Variants in IQCE observed in about 807,000 individuals in gnomAD.
IQCE encodes IQ motif containing E.
IQCE carries 115 observed loss-of-function variants against 96.0 expected under a neutral mutation model. The ratio of observed to expected loss-of-function variants is 1.20; its 90% CI spans 1.03 to 1.40. The LOEUF is 1.40. Ranked by LOEUF, IQCE falls within the 40% of genes most tolerant of loss-of-function variation. IQCE has a pLI of 0.00. For synonymous variants in IQCE, 412 were observed against 371.2 expected (o/e 1.11, Z -1.26); for missense variants, 1,041 against 909.1 (o/e 1.15, Z -1.87).
At chr7:2,590,869 A>G (rs980858479) in intron 14 of IQCE, among the ~76,000 whole-genome samples, 5 of 152,200 alleles carry the variant, frequency 3.3e-5, no homozygotes, top group Non-Finnish European at 5.9e-5. Context: ...TCATTGGTTT[A>G]TGTAAAATCA....
chr7:2,585,887 C>G (rs550088648), intron 11 of IQCE, among the ~76,000 whole-genome samples: 61 of 152,302 alleles, frequency 4.0e-4, no homozygotes, highest in Middle Eastern at 3.4e-3. Flanking sequence ...CCGAGCTATC[C>G]TGCAAGCACC....
chr7:2,576,870 C>T (rs1322754206), intron 6 of IQCE, among the ~76,000 whole-genome samples: 1 of 152,216 alleles, frequency 6.6e-6, no homozygotes. Flanking sequence ...GCGAACAAAA[C>T]GGACTTTCTT....
At chr7:2,561,735 T>G (rs927067957) in intron 1 of IQCE, among the ~76,000 whole-genome samples, 18 of 152,370 alleles carry the variant, frequency 1.2e-4, no homozygotes, top group African/African-American at 3.8e-4. Flanking sequence ...AATAATATTT[T>G]TATATGAATC....
Position 2,614,468 on chromosome 7 carries a change from C to T in IQCE, c.*4306C>T, listed in dbSNP as rs1785219972. On this transcript the variant is annotated 3_prime_UTR_variant, in exon 22 of 22. Transcript: ENST00000402050. ...GCAGTGCCTACGCTGTGCCAACTAC[C>T]CTGTCTGGTACAGACCACGGCTGGG... The T allele has an allele frequency of 6.6e-6, 1 of 152,238 alleles. No individual in the cohort carries two copies. Among genetic ancestry groups the T allele is most frequent in the African/African-American group, 2.4e-5 (1 of 41,456 alleles). 9.4% of individuals were successfully genotyped at this position (152,238 alleles called of 1,614,324 possible).
At chr7:2,565,645 G>C (rs1202066849) in intron 1 of IQCE, among the ~76,000 whole-genome samples, 1 of 152,108 alleles carries the variant, frequency 6.6e-6, no homozygotes, top group African/African-American at 2.4e-5. Flanking sequence ...TGGCTTTTCT[G>C]ATCCCCCGCT....
At chr7:2,602,899 C>A (rs559812924) in intron 18 of IQCE, among the ~76,000 whole-genome samples, 56 of 152,204 alleles carry the variant, frequency 3.7e-4, no homozygotes, top group Non-Finnish European at 7.4e-4. Context: ...GATGGCCAGG[C>A]CACAGCCACA....
intron 1 of IQCE, among the ~76,000 whole-genome samples, chr7:2,560,697 C>G (rs1780883176): frequency 6.6e-6 from 1 of 151,968 alleles, no homozygotes; most frequent in Non-Finnish European, 1.5e-5. Context: ...GCGGCTCATG[C>G]CTGTAATCCC....
chr7:2,579,251 G>A lies in IQCE; in HGVS notation c.630+725G>A, dbSNP rs150685541. 9.2e-5 allele frequency among the ~76,000 whole-genome samples: 14 copies of A among 152,284 alleles called. 1 individual carries two copies. The East Asian group carries it at 2.7e-3, about 29-fold the overall frequency. On this transcript the variant is annotated intron_variant, in intron 8 of 21. Transcript: ENST00000402050. The stretch of plus-strand genomic sequence containing the variant: ...AGTACACCTCCTAGCAGTCAAGGAA[G>A]TACTTCTCTAAAGTGGGACATGGTG...
chr7:2,573,609 C>T (rs565188030), intron 6 of IQCE, 121 bp downstream of exon 6: 14 of 577,070 alleles, frequency 2.4e-5, no homozygotes, highest in Middle Eastern at 2.7e-4. Context: ...GCGTTAGGGT[C>T]GAACCTGAGT....
intron 13 of IQCE, among the ~76,000 whole-genome samples, chr7:2,588,801 G>T (rs1345613256): frequency 1.3e-5 from 2 of 151,262 alleles, no homozygotes; most frequent in Non-Finnish European, 2.9e-5. Context: ...CAGTAGCTGG[G>T]ATTACAGGTG....
At chr7:2,572,067 G>A (rs1385434669) in intron 4 of IQCE, 125 bp from the exon 5 acceptor site, 20 of 1,016,848 alleles carry the variant, frequency 2.0e-5, no homozygotes, top group East Asian at 4.8e-5. Context: ...TTACCAGCAC[G>A]ACACTGACGG....
At chr7:2,602,933 G>C (rs909474636) in intron 18 of IQCE, among the ~76,000 whole-genome samples, 5 of 152,228 alleles carry the variant, frequency 3.3e-5, no homozygotes, top group Non-Finnish European at 5.9e-5. Flanking sequence ...CGAGCAGACA[G>C]CTGGACTGCC....
chr7:2,577,817 C>G (rs1358346910), intron 6 of IQCE, among the ~76,000 whole-genome samples: 1 of 133,076 alleles, frequency 7.5e-6, no homozygotes, highest in Non-Finnish European at 1.6e-5. Flanking sequence ...GCTGTGCGCG[C>G]GGGGACGTGT....
chr7:2,559,096 T>A lies in IQCE; in HGVS notation c.-86T>A. ...CCGGCGCCAGGGAAGGCCCCGAGGC[T>A]GCGGGCGGCCAGGGCTGCCCGCGGA... On this transcript the variant is annotated 5_prime_UTR_variant, in exon 1 of 22. Transcript: ENST00000402050. The A allele has an allele frequency of 4.1e-6, 3 of 725,966 alleles. No individual in the cohort carries two copies. Among genetic ancestry groups the A allele is most frequent in the Non-Finnish European group, 3.6e-6 (2 of 550,692 alleles). 45.0% of individuals were successfully genotyped at this position (725,966 alleles called of 1,614,324 possible).
At chr7:2,608,350 C>A (rs1347875502) in intron 21 of IQCE, among the ~76,000 whole-genome samples, 1 of 152,216 alleles carries the variant, frequency 6.6e-6, no homozygotes, top group Admixed American at 6.5e-5. Context: ...CAGGGGGTCC[C>A]GCTAGGGGCT....
In IQCE at chr7:2,597,928, A is replaced by C. The variant is rs369230870; in HGVS notation, c.1441-537A>C. ...AGGGATCCTCCCTGCTTGGCCCCCCACATTGTTGGGATTACAAGCATGAGC... is the reference window on the plus strand; with the variant it reads ...AGGGATCCTCCCTGCTTGGCCCCCCCCATTGTTGGGATTACAAGCATGAGC... On this transcript the variant is annotated intron_variant, in intron 16 of 21. Transcript: ENST00000402050. Among the ~76,000 whole-genome samples, 85 of 152,224 alleles carry C rather than the reference A, an allele frequency of 5.6e-4. No homozygotes were observed. The South Asian group carries it at 0.017, about 30-fold the overall frequency.
chr7:2,567,044 G>A lies in IQCE; in HGVS notation c.37-72G>A, dbSNP rs572323995. On this transcript the variant is annotated intron_variant, in intron 1 of 21. Coordinates refer to ENST00000402050, the MANE Select transcript of IQCE (RefSeq NM_152558.5). The stretch of plus-strand genomic sequence containing the variant: ...CAGCAGCTGTGGACGGGCTGTTTTC[G>A]CTTTTGTAAACGTGATGGTCGGAAG... 221 of 1,353,744 alleles carry A rather than the reference G, an allele frequency of 1.6e-4. 1 individual carries two copies. The South Asian group carries it at 2.0e-3, about 12-fold the overall frequency. The allele number at this position is 1,353,744 out of a possible 1,614,324, so 83.9% of individuals were successfully genotyped here. A position where few individuals can be genotyped will look rare whatever the true frequency, so the allele number is the denominator to read the frequency against.
At chr7:2,572,962 G>C in intron 5 of IQCE, 1 of 331,578 alleles carries the variant, frequency 3.0e-6, no homozygotes, top group African/African-American at 2.2e-5. Flanking sequence ...TTTACTGGTT[G>C]GGAGTTATCT....
chr7:2,582,628 A>C lies in IQCE; in HGVS notation c.679A>C (p.Lys227Gln). The C allele has an allele frequency of 1.2e-6, 2 of 1,613,970 alleles. No individual in the cohort carries two copies. Among genetic ancestry groups the C allele is most frequent in the Non-Finnish European group, 1.7e-6 (2 of 1,179,966 alleles). ...QRILKLEQQC[K>Q]EKDGTISKLQ... ...GATCCTGAAGCTGGAACAGCAGTGC[A>C]AGGAGAAGGACGGCACCATCAGGTG... Residue 227 changes from lysine (K) to glutamine (Q), a missense_variant, in exon 9 of 22, where the codon AAG (lysine) becomes CAG (glutamine). Lys to Gln is a moderately conservative substitution (Grantham distance 53). Transcript: ENST00000402050.
Sources: gnomAD v4.1 joint callset for allele counts (sites outside exome capture counted in the v4.1 genomes callset) on GRCh38, gnomAD v4.1.1 for gene constraint, MANE v1.5 for transcripts, NCBI Gene and HGNC (gene_info 2026-07-23, HGNC 2026-07-21) for gene names.